NLGN1: variants seen among roughly 807,000 people sequenced by gnomAD.
The protein encoded by NLGN1 is neuroligin-1.
A neutral mutation model predicts 65.5 loss-of-function variants in NLGN1; 12 were observed. The ratio of observed to expected loss-of-function variants is 0.18; its 90% CI spans 0.12 to 0.30. The LOEUF (loss-of-function observed/expected upper bound fraction) is 0.30, where lower values mean the gene tolerates loss of function less well. Ranked by LOEUF, NLGN1 falls within the 10% of genes least tolerant of loss-of-function variation. The probability of loss-of-function intolerance (pLI) is 1.00; values close to 1 mark genes in which losing one functional copy is unlikely to be tolerated. For missense variants in NLGN1, 750 were observed against 1,007.1 expected, an observed-to-expected ratio of 0.74 and a Z score of 3.46; for synonymous variants, 350 against 359.5, an observed-to-expected ratio of 0.97 and a Z score of 0.30.
intron 4 of NLGN1, among the ~76,000 whole-genome samples, chr3:174,168,335 T>G (rs1727908883): frequency 6.6e-6 from 1 of 152,192 alleles, no homozygotes. Flanking sequence ...CATCCAGAGA[T>G]GCTGGCACTT....
chr3:174,158,939 A>C (rs1725982372), intron 4 of NLGN1, among the ~76,000 whole-genome samples: 1 of 151,424 alleles, frequency 6.6e-6, no homozygotes, highest in South Asian at 2.1e-4. Flanking sequence ...TACTGAGTGC[A>C]CTCAACTTTT....
intron 4 of NLGN1, among the ~76,000 whole-genome samples, chr3:174,094,133 T>A (rs1474433987): frequency 6.6e-6 from 1 of 152,208 alleles, no homozygotes; most frequent in East Asian, 1.9e-4. Context: ...AAACTAGTGG[T>A]AACAAGATGG....
intron 4 of NLGN1, among the ~76,000 whole-genome samples, chr3:173,844,423 T>C (rs1388855515): frequency 6.6e-6 from 1 of 152,174 alleles, no homozygotes; most frequent in Non-Finnish European, 1.5e-5. Flanking sequence ...GGTCTATCTG[T>C]AGGATTGATC....
intron 4 of NLGN1, among the ~76,000 whole-genome samples, chr3:174,110,603 C>T (rs751730998): frequency 6.6e-6 from 1 of 151,822 alleles, no homozygotes; most frequent in Non-Finnish European, 1.5e-5. Context: ...ATGCCAAGTG[C>T]ATAGTGGGTA....
intron 2 of NLGN1, among the ~76,000 whole-genome samples, chr3:173,455,009 G>A (rs1722267424): frequency 6.6e-6 from 1 of 152,112 alleles, no homozygotes; most frequent in Non-Finnish European, 1.5e-5. Flanking sequence ...CTTGAGAATG[G>A]CCAGTTGGTG....
rs527669898 is a variant in NLGN1 at position 174,212,929 on chromosome 3, G to A, written c.647-62386G>A. The stretch of plus-strand genomic sequence containing the variant: ...GGTCAGGTCCTTTTCATATCATACC[G>A]CTCTGACCTTCTCTTCTGCCTTTCT... On this transcript the variant is annotated intron_variant, in intron 4 of 6. Coordinates refer to ENST00000457714, the Ensembl canonical transcript of NLGN1. 1.8e-3 allele frequency among the ~76,000 whole-genome samples: 274 copies of A among 152,194 alleles called. 1 individual carries two copies. The highest frequency in any genetic ancestry group is 6.3e-3 in the African/African-American group (262 of 41,538).
intron 3 of NLGN1, among the ~76,000 whole-genome samples, chr3:173,754,597 T>C (rs918189216): frequency 2.0e-5 from 3 of 152,272 alleles, no homozygotes; most frequent in African/African-American, 7.2e-5. Context: ...CTTAGAATAG[T>C]ACTTAACATA....
Position 174,129,176 on chromosome 3 carries a change from G to A in NLGN1, c.647-146139G>A, listed in dbSNP as rs1052633776. On this transcript the variant is annotated intron_variant, in intron 4 of 6. Coordinates refer to ENST00000457714, the Ensembl canonical transcript of NLGN1. ...TCATTTGGTTTCAGAAATATCAGTC[G>A]GCTAGGGAAAGTTTTTATCCTCTAC... 7.9e-5 allele frequency among the ~76,000 whole-genome samples: 12 copies of A among 152,058 alleles called. No individual in the cohort carries two copies. The East Asian group carries it at 9.7e-4, about 12-fold the overall frequency.
rs971314994 is a variant in NLGN1 at position 173,447,972 on chromosome 3, G to T, written c.-321+12894G>T. Among the ~76,000 whole-genome samples the T allele has an allele frequency of 7.2e-5, 11 of 152,276 alleles. 1 individual carries two copies. In the East Asian group the frequency reaches 7.7e-4, roughly 11 times the overall value. ...TAAGGAGATTTTGGGCTGAGACGAT[G>T]GGGTTTTCCAGATATACAATCATGT... On this transcript the variant is annotated intron_variant, in intron 2 of 6. Transcript: ENST00000457714.
chr3:174,167,067 G>A (rs944071339), intron 4 of NLGN1, among the ~76,000 whole-genome samples: 2 of 151,942 alleles, frequency 1.3e-5, no homozygotes, highest in Admixed American at 1.3e-4. Flanking sequence ...ATTGAGTCCA[G>A]GGGTTGTCAT....
intron 1 of NLGN1, among the ~76,000 whole-genome samples, chr3:173,405,000 A>G (rs934054847): frequency 6.6e-6 from 1 of 152,146 alleles, no homozygotes; most frequent in Non-Finnish European, 1.5e-5. Context: ...GATTTTTAAC[A>G]TATATCCATC....
exon 3 of NLGN1, chr3:173,604,798 A>G (rs1307066957): frequency 6.2e-7 from 1 of 1,613,806 alleles, no homozygotes; most frequent in Non-Finnish European, 8.5e-7. Context: ...GGGATTAAGA[A>G]GGAACTCAAT....
At chr3:173,588,406 A>T (rs1016912441) in intron 2 of NLGN1, among the ~76,000 whole-genome samples, 2 of 152,196 alleles carry the variant, frequency 1.3e-5, no homozygotes, top group African/African-American at 2.4e-5. Flanking sequence ...TGATCTGAAT[A>T]ATCTCTGCCT....
intron 4 of NLGN1, among the ~76,000 whole-genome samples, chr3:173,918,553 A>G (rs1344471655): frequency 6.6e-6 from 1 of 150,588 alleles, no homozygotes; most frequent in Non-Finnish European, 1.5e-5. Flanking sequence ...GAATCACTTG[A>G]ACCTGGGAGG....
chr3:173,403,054 G>T (rs547906632), intron 1 of NLGN1, among the ~76,000 whole-genome samples: 126 of 152,188 alleles, frequency 8.3e-4, no homozygotes, highest in Middle Eastern at 6.8e-3. Flanking sequence ...GAATGCCTAT[G>T]TGAAAATTAA....
At chr3:174,035,614 T>A (rs1264321938) in intron 4 of NLGN1, among the ~76,000 whole-genome samples, 4 of 152,172 alleles carry the variant, frequency 2.6e-5, no homozygotes, top group Non-Finnish European at 5.9e-5. Context: ...CAAGTTGAGG[T>A]TTGCTCCACT....
At chr3:174,182,030 A>G (rs901948973) in intron 4 of NLGN1, among the ~76,000 whole-genome samples, 8 of 150,970 alleles carry the variant, frequency 5.3e-5, no homozygotes, top group African/African-American at 2.0e-4. Flanking sequence ...TTGGACTATC[A>G]TTTTCATTGT....
intron 4 of NLGN1, among the ~76,000 whole-genome samples, chr3:173,811,867 A>G (rs918796394): frequency 2.0e-5 from 3 of 152,190 alleles, no homozygotes; most frequent in Non-Finnish European, 4.4e-5. Flanking sequence ...AAATGTTCCA[A>G]CCACTTATTT....
chr3:173,891,112 A>G (rs1560571386), intron 4 of NLGN1, among the ~76,000 whole-genome samples: 1 of 152,174 alleles, frequency 6.6e-6, no homozygotes, highest in Non-Finnish European at 1.5e-5. Context: ...GTGGTAAAAT[A>G]GGATAATACA....
Sources: gnomAD v4.1 joint callset for allele counts (sites outside exome capture counted in the v4.1 genomes callset) on GRCh38, gnomAD v4.1.1 for gene constraint, MANE v1.5 for transcripts, NCBI Gene and HGNC (gene_info 2026-07-23, HGNC 2026-07-21) for gene names.